C3orf20: variants seen among roughly 807,000 people sequenced by gnomAD.
The protein encoded by C3orf20 is uncharacterized protein C3orf20.
Under a neutral mutation model 88.3 loss-of-function variants are expected in C3orf20, and 76 were observed. The ratio of observed to expected loss-of-function variants is 0.86; its 90% CI spans 0.72 to 1.04. The LOEUF (loss-of-function observed/expected upper bound fraction) is 1.04. Ranked by LOEUF, C3orf20 falls within the 50% of genes least tolerant of loss-of-function variation. The probability of loss-of-function intolerance (pLI) is 0.00; values close to 1 mark genes in which losing one functional copy is unlikely to be tolerated. For synonymous variants in C3orf20, 436 were observed against 437.4 expected, an observed-to-expected ratio of 1.00 and a Z score of 0.04; for missense variants, 1,056 against 1,123.3, an observed-to-expected ratio of 0.94 and a Z score of 0.86.
In C3orf20 at chr3:14,682,804, A is replaced by G. The variant is rs141611273; in HGVS notation, c.91A>G (p.Ile31Val). ...LLARISKLLM[I>V]CQNAGISVPK... ...GGCCCGCATCTCCAAACTCCTCATG[A>G]TCTGCCAGAATGCAGGCATTTCTGT... Residue 31 changes from isoleucine (I) to valine (V), a missense_variant, in exon 3 of 17, where the codon ATC becomes GTC. Transcript: ENST00000253697. 6 of 1,614,056 alleles carry G rather than the reference A, an allele frequency of 3.7e-6. No homozygotes were observed. In the African/African-American group the frequency reaches 6.7e-5, roughly 18 times the overall value.
chr3:14,721,638 T>A lies in C3orf20; in HGVS notation c.1435-15T>A. 3.1e-6 allele frequency: 5 copies of A among 1,613,798 alleles called. No homozygotes were observed. The highest frequency in any genetic ancestry group is 3.4e-6 in the Non-Finnish European group (4 of 1,179,810). On this transcript the variant is annotated splice_polypyrimidine_tract_variant and intron_variant, in intron 9 of 16. Transcript: ENST00000253697. ...TGAAGCAGGGATTCTCTGAGTACTG[T>A]TTCTTCATCTACAGGTGAATGAGGA...
intron 10 of C3orf20, among the ~76,000 whole-genome samples, chr3:14,723,469 A>C (rs976079061): frequency 6.6e-6 from 1 of 152,260 alleles, no homozygotes; most frequent in Admixed American, 6.5e-5. Flanking sequence ...TGTAGAAATA[A>C]AGAAGTCTCA....
chr3:14,770,946 T>G (rs560189756), intron 15 of C3orf20, among the ~76,000 whole-genome samples: 2 of 152,138 alleles, frequency 1.3e-5, no homozygotes, highest in African/African-American at 4.8e-5. Context: ...CTGTGAGGTG[T>G]GGCACAGAGG....
chr3:14,761,181 C>A (rs939263997), intron 14 of C3orf20, among the ~76,000 whole-genome samples: 1 of 151,740 alleles, frequency 6.6e-6, no homozygotes, highest in Non-Finnish European at 1.5e-5. Flanking sequence ...GAGTGCTGCC[C>A]TCCTCAGGTT....
intron 12 of C3orf20, among the ~76,000 whole-genome samples, chr3:14,748,114 T>TG (rs1233678186): frequency 3.9e-5 from 6 of 152,012 alleles, no homozygotes; most frequent in African/African-American, 1.2e-4. Flanking sequence ...AGGCTTTTCT[T>TG]GGGGGGTTTT....
chr3:14,739,680 T>G (rs1314491011), intron 12 of C3orf20, among the ~76,000 whole-genome samples: 2 of 152,260 alleles, frequency 1.3e-5, no homozygotes, highest in Non-Finnish European at 2.9e-5. Context: ...TAGAAGGCTC[T>G]TTCATGTACA....
chr3:14,696,831 CTGCCTTTAGCAT>C (rs1407636847), intron 5 of C3orf20, among the ~76,000 whole-genome samples: 1 of 152,056 alleles, frequency 6.6e-6, no homozygotes, highest in Non-Finnish European at 1.5e-5. Flanking sequence ...GATTGAAGTA[CTGCCTTTAGCAT>C]TTCATGTAGG....
intron 5 of C3orf20, among the ~76,000 whole-genome samples, chr3:14,694,389 T>A (rs1430464388): frequency 6.6e-6 from 1 of 152,174 alleles, no homozygotes; most frequent in African/African-American, 2.4e-5. Flanking sequence ...TGTTCAGGTT[T>A]TGGATTTCTT....
intron 5 of C3orf20, among the ~76,000 whole-genome samples, chr3:14,698,711 G>A (rs904523375): frequency 2.0e-5 from 3 of 152,208 alleles, no homozygotes; most frequent in African/African-American, 7.2e-5. Flanking sequence ...GGAGTGCACT[G>A]GATGAAACCT....
intron 10 of C3orf20, 37 bp from the exon 11 acceptor site, chr3:14,726,864 G>T (rs1466504387): frequency 6.2e-7 from 1 of 1,612,824 alleles, no homozygotes; most frequent in Non-Finnish European, 8.5e-7. Flanking sequence ...TCTTTGAGGG[G>T]ATGGTGACAC....
intron 7 of C3orf20, among the ~76,000 whole-genome samples, chr3:14,704,847 C>T (rs931410838): frequency 1.3e-5 from 2 of 152,154 alleles, no homozygotes; most frequent in African/African-American, 2.4e-5. Context: ...CATACCACAC[C>T]CCAGCTACCT....
At position 14,684,230 on chromosome 3, in the gene C3orf20, T is replaced by C. The variant is rs1044691625; in HGVS notation, c.485-12T>C. The C allele has an allele frequency of 6.2e-7, 1 of 1,613,508 alleles. No individual in the cohort carries two copies. Among genetic ancestry groups the C allele is most frequent in the Admixed American group, 1.7e-5 (1 of 59,898 alleles). ...TAGGAGGGACACGTGTTGCTTTCTA[T>C]CATTGCTTTAGTGGGTGCCAACCCC... On this transcript the variant is annotated splice_polypyrimidine_tract_variant and intron_variant, in intron 3 of 16. Coordinates refer to ENST00000253697, the MANE Select transcript of C3orf20 (RefSeq NM_032137.5).
At chr3:14,703,322 G>T in intron 6 of C3orf20, 60 bp downstream of exon 6, 1 of 1,607,748 alleles carries the variant, frequency 6.2e-7, no homozygotes, top group Admixed American at 1.7e-5. Flanking sequence ...CTGGCCCCCA[G>T]CTGGGAGTCC....
intron 4 of C3orf20, among the ~76,000 whole-genome samples, chr3:14,685,777 C>CT (rs982212200): frequency 5.5e-5 from 8 of 146,050 alleles, no homozygotes; most frequent in Admixed American, 2.1e-4. Flanking sequence ...CAGGATTTGT[C>CT]TTTTTTTTCT....
intron 12 of C3orf20, among the ~76,000 whole-genome samples, chr3:14,749,490 A>G (rs1387814537): frequency 2.0e-5 from 3 of 152,188 alleles, no homozygotes; most frequent in African/African-American, 4.8e-5. Context: ...TGCATGTTTG[A>G]ATCTAAAATG....
In C3orf20 at chr3:14,701,020, T is replaced by A. The variant is rs1300292128; in HGVS notation, c.746-2110T>A. ...CAAGAAGAGAACTGTTAATAGCAGT[T>A]CCTAGTCAGAGCAAGAGACCGTCAC... On this transcript the variant is annotated intron_variant, in intron 5 of 16. Coordinates refer to ENST00000253697, the MANE Select transcript of C3orf20 (RefSeq NM_032137.5). This position sits in a 1 kb window ranked among gnomAD's most constrained non-coding sequence, Gnocchi z 4.6. Among the ~76,000 whole-genome samples the A allele has an allele frequency of 1.3e-5, 2 of 152,200 alleles. No individual in the cohort carries two copies. The highest frequency in any genetic ancestry group is 2.9e-5 in the Non-Finnish European group (2 of 68,034).
At chr3:14,715,898 G>A (rs1440722228) in intron 9 of C3orf20, among the ~76,000 whole-genome samples, 2 of 151,684 alleles carry the variant, frequency 1.3e-5, no homozygotes, top group Non-Finnish European at 2.9e-5. Context: ...TCATTCATTT[G>A]GCTGTTCAGA....
intron 5 of C3orf20, among the ~76,000 whole-genome samples, chr3:14,691,508 G>T (rs1001687827): frequency 6.6e-6 from 1 of 152,208 alleles, no homozygotes; most frequent in Admixed American, 6.5e-5. Context: ...GAAGTCCTCC[G>T]TATCCAGGGT....
Position 14,761,546 on chromosome 3 carries a change from T to C in C3orf20, c.2426T>C (p.Leu809Pro), listed in dbSNP as rs1409932550. 8 of 1,613,972 alleles carry C rather than the reference T, an allele frequency of 5.0e-6. No individual in the cohort carries two copies. Among genetic ancestry groups the C allele is most frequent in the African/African-American group, 1.3e-5 (1 of 74,900 alleles). The change falls in exon 15 of 17, where the codon CTG becomes CCG. Residue 809 changes from leucine to proline, a missense_variant. Leu to Pro is a moderately conservative substitution (Grantham distance 98, BLOSUM62 -3). Coordinates refer to ENST00000253697, the MANE Select transcript of C3orf20 (RefSeq NM_032137.5). Reference protein sequence around the residue: ...NGYGLSKQNLLKQIFRSQQDY... With the variant: ...NGYGLSKQNLPKQIFRSQQDY... ...TATGGCCTCAGCAAGCAGAATCTGC[T>C]GAAACAGATCTTCCGGTCTCAACAG... is the stretch of plus-strand genomic sequence containing the variant.
Sources: allele counts gnomAD v4.1 joint callset (sites outside exome capture counted in the v4.1 genomes callset), GRCh38; gene constraint gnomAD v4.1.1; non-coding constraint Gnocchi (gnomAD v3.1); transcripts MANE v1.5; gene names NCBI Gene and HGNC (gene_info 2026-07-23, HGNC 2026-07-21).